Variants in SEC23IP observed in about 807,000 individuals in gnomAD.
SEC23IP encodes the protein SEC23 interacting protein, also known as SEC23-interacting protein.
A neutral mutation model predicts 113.4 loss-of-function variants in SEC23IP; 70 were observed. The observed-to-expected ratio is 0.62, with a 90% CI of 0.51 to 0.75. SEC23IP has a LOEUF of 0.75. SEC23IP is among the 30% of genes least tolerant of loss of function. The pLI is 0.00. For synonymous variants in SEC23IP, 398 were observed against 421.0 expected (o/e 0.95, Z 0.67); for missense variants, 1,160 against 1,204.9 (o/e 0.96, Z 0.55).
intron 3 of SEC23IP, among the ~76,000 whole-genome samples, chr10:119,903,296 A>G (rs1433113982): frequency 6.6e-6 from 1 of 152,164 alleles, no homozygotes; most frequent in Non-Finnish European, 1.5e-5. Flanking sequence ...GTTCATTTGT[A>G]GTTATGGGGG....
At chr10:119,935,595 T>A (rs1393564020) in intron 18 of SEC23IP, among the ~76,000 whole-genome samples, 3 of 152,182 alleles carry the variant, frequency 2.0e-5, no homozygotes, top group African/African-American at 4.8e-5. Flanking sequence ...CCGTCCAGTA[T>A]CTGTTGAGCA....
intron 10 of SEC23IP, among the ~76,000 whole-genome samples, chr10:119,919,228 A>G (rs1855157622): frequency 6.6e-6 from 1 of 152,130 alleles, no homozygotes; most frequent in Admixed American, 6.5e-5. Flanking sequence ...TCCTGACCTC[A>G]GGTGATGCAC....
chr10:119,937,573 C>G (rs1855835863), intron 18 of SEC23IP, among the ~76,000 whole-genome samples: 1 of 151,630 alleles, frequency 6.6e-6, no homozygotes, highest in Non-Finnish European at 1.5e-5. Context: ...TTGCAGTGAC[C>G]CTAGATTGTG....
intron 3 of SEC23IP, among the ~76,000 whole-genome samples, chr10:119,903,459 C>A (rs183179555): frequency 6.6e-6 from 1 of 152,130 alleles, no homozygotes; most frequent in Non-Finnish European, 1.5e-5. Context: ...TTGAGAAGTC[C>A]TGCAGTGTAG....
intron 1 of SEC23IP, among the ~76,000 whole-genome samples, chr10:119,894,851 A>C (rs1425221821): frequency 6.6e-6 from 1 of 151,840 alleles, no homozygotes; most frequent in African/African-American, 2.4e-5. Flanking sequence ...AGTCTGGTAT[A>C]GCTACACCTG....
At chr10:119,939,014 A>C (rs1029681109) in intron 18 of SEC23IP, among the ~76,000 whole-genome samples, 4 of 152,172 alleles carry the variant, frequency 2.6e-5, no homozygotes, top group Non-Finnish European at 5.9e-5. Flanking sequence ...TTGTTCTTTG[A>C]AAAGCCTCAA....
chr10:119,919,705 C>G (rs1463534907), intron 11 of SEC23IP, 109 bp downstream of exon 11: 1 of 845,650 alleles, frequency 1.2e-6, no homozygotes, highest in African/African-American at 1.8e-5. Flanking sequence ...TAGACAAAGA[C>G]TGAAATGTTT....
In SEC23IP at chr10:119,896,238, G is replaced by A. The variant is rs558835725; in HGVS notation, c.164-2189G>A. Among the ~76,000 whole-genome samples, 7 of 152,266 alleles carry A rather than the reference G, an allele frequency of 4.6e-5. No homozygotes were observed. In the South Asian group the frequency reaches 1.5e-3, roughly 32 times the overall value. Reference sequence around the variant, plus strand: ...CAGAACAGAGGCCCATTTTTGTTTAGTTTTAGACCCAAGACTGAGCTCTGT... The same window carrying A: ...CAGAACAGAGGCCCATTTTTGTTTAATTTTAGACCCAAGACTGAGCTCTGT... On this transcript the variant is annotated intron_variant, in intron 1 of 18. Coordinates refer to ENST00000369075, the MANE Select transcript of SEC23IP (RefSeq NM_007190.4).
intron 2 of SEC23IP, 60 bp downstream of exon 2, chr10:119,899,019 C>T: frequency 1.5e-6 from 2 of 1,362,982 alleles, no homozygotes; most frequent in Non-Finnish European, 2.0e-6. Flanking sequence ...CTCACCTGAA[C>T]CTATGTTTTA....
intron 1 of SEC23IP, among the ~76,000 whole-genome samples, chr10:119,893,253 G>A (rs1457329681): frequency 6.6e-6 from 1 of 152,162 alleles, no homozygotes; most frequent in East Asian, 1.9e-4. Flanking sequence ...GGCAGGAAAT[G>A]CAAATAAATT....
intron 18 of SEC23IP, among the ~76,000 whole-genome samples, chr10:119,938,890 A>T (rs1350029718): frequency 6.6e-6 from 1 of 152,264 alleles, no homozygotes; most frequent in Non-Finnish European, 1.5e-5. Context: ...TACTAATGTC[A>T]TAAGATAATC....
At chr10:119,923,064 C>T (rs1448519206) in intron 12 of SEC23IP, among the ~76,000 whole-genome samples, 1 of 150,932 alleles carries the variant, frequency 6.6e-6, no homozygotes, top group Non-Finnish European at 1.5e-5. Flanking sequence ...ACACCATGTT[C>T]TTAATTTATT....
At chr10:119,899,060 G>A in intron 2 of SEC23IP, 101 bp downstream of exon 2, 2 of 1,049,786 alleles carry the variant, frequency 1.9e-6, no homozygotes, top group East Asian at 4.8e-5. Flanking sequence ...AATCAATATG[G>A]TGACAAATTA....
chr10:119,892,782 C>T lies in SEC23IP; in HGVS notation c.-1C>T. On this transcript the variant is annotated 5_prime_UTR_variant, in exon 1 of 19. Coordinates refer to ENST00000369075, the MANE Select transcript of SEC23IP (RefSeq NM_007190.4). The stretch of plus-strand genomic sequence containing the variant: ...CGTGTATCGGACGGTGGGCCGCAGC[C>T]ATGGCCGAGAGAAAACCTAACGGTG... The T allele has an allele frequency of 3.7e-6, 6 of 1,607,212 alleles. No homozygotes were observed. The highest frequency in any genetic ancestry group is 5.1e-6 in the Non-Finnish European group (6 of 1,176,580).
chr10:119,917,632 G>C lies in SEC23IP; in HGVS notation c.1545-204G>C, dbSNP rs150953920. Among the ~76,000 whole-genome samples the C allele has an allele frequency of 3.1e-3, 465 of 152,186 alleles. 1 individual carries two copies. Among genetic ancestry groups the C allele is most frequent in the African/African-American group, 0.011 (442 of 41,514 alleles). On this transcript the variant is annotated intron_variant, in intron 8 of 18. Coordinates refer to ENST00000369075, the MANE Select transcript of SEC23IP (RefSeq NM_007190.4). ...GACCTCAAGTGATCCACCCACTTCA[G>C]CCTCCCAAAGTGCTGGGATTACAGG...
Position 119,926,117 on chromosome 10 carries a change from A to G in SEC23IP, c.2203A>G (p.Met735Val), listed in dbSNP as rs1043826403. Residue 735 changes from methionine to valine, a missense_variant, in exon 13 of 19, where the codon ATG (methionine) becomes GTG (valine). Transcript: ENST00000369075. ...QEQSAQKTKD[M>V]ASLPSESNEP... is the part of the protein sequence containing the mutation. ...GCAAAGTGCCCAGAAGACTAAAGACATGGCTTCCCTCCCCTCAGAATCCAA... is the reference window on the plus strand; with the variant it reads ...GCAAAGTGCCCAGAAGACTAAAGACGTGGCTTCCCTCCCCTCAGAATCCAA... The G allele has an allele frequency of 1.2e-6, 2 of 1,614,004 alleles. No individual in the cohort carries two copies. The highest frequency in any genetic ancestry group is 1.3e-5 in the African/African-American group (1 of 74,918).
At chr10:119,894,406 T>C (rs919590158) in intron 1 of SEC23IP, among the ~76,000 whole-genome samples, 2 of 152,230 alleles carry the variant, frequency 1.3e-5, no homozygotes, top group African/African-American at 4.8e-5. Flanking sequence ...GCCCATGTGT[T>C]ATGTTTCTTC....
At chr10:119,916,237 G>C (rs1855049041) in intron 8 of SEC23IP, among the ~76,000 whole-genome samples, 1 of 152,142 alleles carries the variant, frequency 6.6e-6, no homozygotes, top group Non-Finnish European at 1.5e-5. Context: ...GATGTCCCCT[G>C]GAGGGTAAAA....
chr10:119,920,737 T>C (rs1239204093), intron 11 of SEC23IP, 152 bp from the exon 12 acceptor site: 2 of 520,594 alleles, frequency 3.8e-6, no homozygotes, highest in African/African-American at 3.9e-5. Flanking sequence ...CCTAAACTGA[T>C]GCATGATTTA....
Sources: gnomAD v4.1 joint callset for allele counts (sites outside exome capture counted in the v4.1 genomes callset) on GRCh38, gnomAD v4.1.1 for gene constraint, MANE v1.5 for transcripts, NCBI Gene and HGNC (gene_info 2026-07-23, HGNC 2026-07-21) for gene names.